The following EML6 variants were observed in gnomAD, a reference collection of about 807,000 sequenced individuals.
The protein encoded by EML6 is EMAP like 6, also known as echinoderm microtubule-associated protein-like 6.
In EML6, 154 loss-of-function variants were observed where a neutral mutation model predicts 240.1. The observed-to-expected ratio is 0.64, with a 90% CI of 0.56 to 0.73. The LOEUF (loss-of-function observed/expected upper bound fraction) is 0.73. EML6 is among the 30% of genes least tolerant of loss of function. The pLI, the probability that EML6 is intolerant of heterozygous loss-of-function variation, is 0.00. For synonymous variants in EML6, 1,148 were observed against 899.0 expected (o/e 1.28, Z -4.95); for missense variants, 2,964 against 2,474.6 (o/e 1.20, Z -4.20).
At chr2:54,893,347 C>A (rs555582079) in intron 19 of EML6, among the ~76,000 whole-genome samples, 82 of 152,224 alleles carry the variant, frequency 5.4e-4, no homozygotes, top group African/African-American at 2.0e-3. Flanking sequence ...GAGTAAGGGG[C>A]TGCAACAGGG....
At chr2:54,807,542 C>A (rs1217905862) in intron 2 of EML6, among the ~76,000 whole-genome samples, 1 of 152,048 alleles carries the variant, frequency 6.6e-6, no homozygotes, top group African/African-American at 2.4e-5. Flanking sequence ...GTAAATATAC[C>A]CACTATGGCT....
chr2:54,958,043 T>G, intron 33 of EML6, 45 bp downstream of exon 33: 1 of 1,415,528 alleles, frequency 7.1e-7, no homozygotes, highest in Non-Finnish European at 9.5e-7. Flanking sequence ...CCAGACCCCC[T>G]GGGCATGGGC....
At chr2:54,881,940 C>T (rs556526437) in intron 17 of EML6, 1 of 152,382 alleles carries the variant, frequency 6.6e-6, no homozygotes, top group South Asian at 2.1e-4. Context: ...GATTTCTCCA[C>T]AGAGGAGGAG....
intron 2 of EML6, among the ~76,000 whole-genome samples, chr2:54,745,605 C>T (rs779249111): frequency 4.6e-5 from 7 of 151,906 alleles, no homozygotes; most frequent in Non-Finnish European, 7.4e-5. Flanking sequence ...GGCAAGACTC[C>T]GCCTCTACAA....
chr2:54,751,857 AGAG>A (rs1485306497), intron 2 of EML6, among the ~76,000 whole-genome samples: 2 of 152,240 alleles, frequency 1.3e-5, no homozygotes, highest in Admixed American at 1.3e-4. Flanking sequence ...GGTATCAAAA[AGAG>A]GATGAAACTT....
chr2:54,912,057 C>G (rs761700641), intron 25 of EML6, among the ~76,000 whole-genome samples: 1 of 152,256 alleles, frequency 6.6e-6, no homozygotes. Flanking sequence ...CTGCCTCTCC[C>G]TCGCTTCAGT....
chr2:54,869,914 G>A (rs1044397020), intron 15 of EML6, among the ~76,000 whole-genome samples: 1 of 152,020 alleles, frequency 6.6e-6, no homozygotes, highest in Non-Finnish European at 1.5e-5. Flanking sequence ...ACAATCATTT[G>A]GGAGTGTAAA....
chr2:54,761,202 A>G (rs945817123), intron 2 of EML6, among the ~76,000 whole-genome samples: 4 of 152,176 alleles, frequency 2.6e-5, no homozygotes, highest in African/African-American at 9.6e-5. Flanking sequence ...TACCAAAGTC[A>G]TAGTACTCCC....
chr2:54,843,359 G>A (rs186265982), intron 7 of EML6, among the ~76,000 whole-genome samples: 3 of 152,120 alleles, frequency 2.0e-5, no homozygotes, highest in Admixed American at 1.3e-4. Flanking sequence ...AGCCCCGGAA[G>A]TCGAGGCTTC....
intron 2 of EML6, among the ~76,000 whole-genome samples, chr2:54,740,973 C>T (rs1163117987): frequency 6.6e-6 from 1 of 152,004 alleles, no homozygotes; most frequent in African/African-American, 2.4e-5. Flanking sequence ...ATTTTCTTCC[C>T]AGAATGTCAA....
In EML6 at chr2:54,727,979, G is replaced by A. The variant is rs570907578; in HGVS notation, c.197+2721G>A. Among the ~76,000 whole-genome samples, 3 of 152,280 alleles carry A rather than the reference G, an allele frequency of 2.0e-5. No individual in the cohort carries two copies. In the East Asian group the frequency reaches 5.8e-4, roughly 29 times the overall value. On this transcript the variant is annotated intron_variant, in intron 2 of 41. Transcript: ENST00000356458. ...CATATGTGTCCTTCTGCTTTGACAG[G>A]CTATATGTCTAAGTCAGATTTTTAA... is the stretch of plus-strand genomic sequence containing the variant.
At chr2:54,968,311 A>G in intron 40 of EML6, 30 bp downstream of exon 40, 1 of 1,550,462 alleles carries the variant, frequency 6.4e-7, no homozygotes, top group Non-Finnish European at 8.7e-7. Flanking sequence ...ACCTCCCTGC[A>G]GGTTCTCTGT....
At chr2:54,964,921 C>T (rs768874557) in intron 38 of EML6, among the ~76,000 whole-genome samples, 188 bp downstream of exon 38, 3 of 152,070 alleles carry the variant, frequency 2.0e-5, no homozygotes, top group Non-Finnish European at 4.4e-5. Context: ...AATTTAAGAA[C>T]GTGGAGGAAA....
chr2:54,775,358 A>G (rs963230266), intron 2 of EML6, among the ~76,000 whole-genome samples: 1 of 152,066 alleles, frequency 6.6e-6, no homozygotes, highest in African/African-American at 2.4e-5. Context: ...GCTATTTCTC[A>G]GATAAACCAA....
Position 54,894,134 on chromosome 2 carries a change from T to C in EML6, c.2743-781T>C, listed in dbSNP as rs149286492. ...TACACTTGGAAATATTATTTCTTTG[T>C]AAACTTCATAAAAATGCATTAAATT... On this transcript the variant is annotated intron_variant, in intron 19 of 41. Transcript: ENST00000356458. Among the ~76,000 whole-genome samples the C allele has an allele frequency of 2.7e-3, 412 of 152,114 alleles. 1 individual carries two copies. The highest frequency in any genetic ancestry group is 9.0e-3 in the African/African-American group (375 of 41,524).
intron 17 of EML6, among the ~76,000 whole-genome samples, chr2:54,888,571 G>A (rs2104065514): frequency 6.6e-6 from 1 of 152,206 alleles, no homozygotes; most frequent in East Asian, 1.9e-4. Context: ...ACCCATGTTA[G>A]TAGTTTTTAC....
intron 2 of EML6, among the ~76,000 whole-genome samples, chr2:54,727,503 C>T (rs754009811): frequency 1.3e-5 from 2 of 152,224 alleles, no homozygotes; most frequent in African/African-American, 2.4e-5. Flanking sequence ...GAAGACACTG[C>T]ACAAACCACA....
At chr2:54,899,076 C>T (rs1458082096) in intron 21 of EML6, among the ~76,000 whole-genome samples, 2 of 152,166 alleles carry the variant, frequency 1.3e-5, no homozygotes, top group African/African-American at 2.4e-5. Flanking sequence ...TGGGCTACAC[C>T]GAGGACGCTT....
At chr2:54,760,017 T>G (rs1215255765) in intron 2 of EML6, among the ~76,000 whole-genome samples, 1 of 151,850 alleles carries the variant, frequency 6.6e-6, no homozygotes, top group Non-Finnish European at 1.5e-5. Context: ...GCTCCGATTC[T>G]GGGCCATTAC....
Sources: gnomAD v4.1 joint callset for allele counts (sites outside exome capture counted in the v4.1 genomes callset) on GRCh38, gnomAD v4.1.1 for gene constraint, MANE v1.5 for transcripts, NCBI Gene and HGNC (gene_info 2026-07-23, HGNC 2026-07-21) for gene names.